Variants in PCDH15 observed in about 807,000 individuals in gnomAD.
PCDH15 encodes protocadherin-15.
PCDH15 carries 129 observed loss-of-function variants against 178.5 expected under a neutral mutation model. The ratio of observed to expected loss-of-function variants is 0.72; its 90% confidence interval spans 0.63 to 0.84. PCDH15 has a LOEUF of 0.84. PCDH15 is among the 40% of genes least tolerant of loss of function. PCDH15 has a pLI of 0.00. For missense variants in PCDH15, 2,230 were observed against 2,099.9 expected, an observed-to-expected ratio of 1.06 and a Z score of -1.21; for synonymous variants, 800 against 732.0, an observed-to-expected ratio of 1.09 and a Z score of -1.50.
At chr10:53,847,901 G>T (rs966900095) in intron 28 of PCDH15, among the ~76,000 whole-genome samples, 18 of 151,610 alleles carry the variant, frequency 1.2e-4, no homozygotes, top group African/African-American at 4.1e-4. Flanking sequence ...TTTGGAATAA[G>T]GTAGAAAATT....
chr10:53,826,794 A>G (rs954225064), intron 32 of PCDH15, among the ~76,000 whole-genome samples: 1 of 152,158 alleles, frequency 6.6e-6, no homozygotes, highest in Non-Finnish European at 1.5e-5. Flanking sequence ...TCTGAGAGTA[A>G]TAAAGTGAAA....
intron 3 of PCDH15, among the ~76,000 whole-genome samples, chr10:54,872,408 C>A (rs1364425049): frequency 1.3e-5 from 2 of 151,978 alleles, no homozygotes; most frequent in Non-Finnish European, 2.9e-5. Flanking sequence ...ATTTCATGTA[C>A]TTTAAGCCAA....
chr10:54,436,033 A>AGAG (rs1271738062), intron 3 of PCDH15, among the ~76,000 whole-genome samples: 10 of 21,798 alleles, frequency 4.6e-4, no homozygotes, highest in East Asian at 1.6e-3. Flanking sequence ...AGAGGAGAGG[A>AGAG]GAGAGAGAGA....
intron 23 of PCDH15, among the ~76,000 whole-genome samples, chr10:53,949,547 A>C (rs2134164394): frequency 6.6e-6 from 1 of 152,258 alleles, no homozygotes; most frequent in South Asian, 2.1e-4. Flanking sequence ...AGCCTGGGCA[A>C]TATAGCAAGA....
In PCDH15 at chr10:55,287,886, T is replaced by A. The variant is rs564750538; in HGVS notation, c.-156+31713A>T. On this transcript the variant is annotated intron_variant, in intron 1 of 5. Transcript: ENST00000458638. ...ATATTTCAGCCACACCAAATTATTA[T>A]TAATCTTTAAACAACCTTCAAGTCT... 6.6e-5 allele frequency among the ~76,000 whole-genome samples: 10 copies of A among 152,004 alleles called. No individual in the cohort carries two copies. In the East Asian group the frequency reaches 1.9e-3, roughly 29 times the overall value.
At chr10:54,738,467 A>G (rs991821986) in intron 1 of PCDH15, among the ~76,000 whole-genome samples, 7 of 151,736 alleles carry the variant, frequency 4.6e-5, no homozygotes, top group African/African-American at 1.7e-4. Context: ...ACATGAATTT[A>G]CTTTACAAAC....
At chr10:54,395,956 C>A (rs1951164007) in intron 3 of PCDH15, among the ~76,000 whole-genome samples, 1 of 152,072 alleles carries the variant, frequency 6.6e-6, no homozygotes, top group African/African-American at 2.4e-5. Flanking sequence ...TATGGGAGAT[C>A]AGAATATGCC....
intron 2 of PCDH15, among the ~76,000 whole-genome samples, chr10:54,924,902 T>C (rs1011955113): frequency 1.5e-4 from 23 of 152,300 alleles, no homozygotes; most frequent in African/African-American, 5.5e-4. Flanking sequence ...GTTACCTGTT[T>C]ACTATGTTGA....
At chr10:54,876,110 G>T (rs977458644) in intron 3 of PCDH15, among the ~76,000 whole-genome samples, 11 of 152,010 alleles carry the variant, frequency 7.2e-5, no homozygotes, top group Non-Finnish European at 1.5e-5. Context: ...GAAAATCCTA[G>T]GGCCCTTAAA....
At chr10:54,839,301 TAATA>T (rs1953375740) in intron 3 of PCDH15, among the ~76,000 whole-genome samples, 1 of 151,982 alleles carries the variant, frequency 6.6e-6, no homozygotes, top group South Asian at 2.1e-4. Flanking sequence ...AATAGAAGTT[TAATA>T]AAGAAATAGA....
At chr10:54,841,726 A>C (rs893073929) in intron 3 of PCDH15, among the ~76,000 whole-genome samples, 4 of 151,842 alleles carry the variant, frequency 2.6e-5, no homozygotes, top group Admixed American at 2.0e-4. Context: ...TTCACCAATT[A>C]CTTCAATTTG....
At chr10:54,895,548 C>A (rs1316451196) in intron 3 of PCDH15, among the ~76,000 whole-genome samples, 4 of 152,170 alleles carry the variant, frequency 2.6e-5, no homozygotes, top group Admixed American at 2.6e-4. Context: ...GCCCCCTTTG[C>A]ACTGTTGTCT....
At chr10:54,159,713 A>T (rs1240439215) in intron 13 of PCDH15, among the ~76,000 whole-genome samples, 2 of 152,192 alleles carry the variant, frequency 1.3e-5, no homozygotes, top group African/African-American at 2.4e-5. Context: ...TATTCATTAC[A>T]ATAGGCAAAG....
At chr10:55,350,689 T>A (rs1351498990) in intron 2 of PCDH15, among the ~76,000 whole-genome samples, 2 of 152,188 alleles carry the variant, frequency 1.3e-5, no homozygotes, top group African/African-American at 4.8e-5. Flanking sequence ...ATCAAAGGAT[T>A]TTCACTGATA....
intron 7 of PCDH15, among the ~76,000 whole-genome samples, chr10:54,327,695 GCT>G (rs1938458162): frequency 1.3e-5 from 2 of 151,828 alleles, no homozygotes; most frequent in South Asian, 4.1e-4. Context: ...CTTCAGAACA[GCT>G]AATTGAGGTT....
chr10:54,143,361 C>T (rs978471614), intron 14 of PCDH15, among the ~76,000 whole-genome samples: 1 of 152,128 alleles, frequency 6.6e-6, no homozygotes, highest in Admixed American at 6.6e-5. Flanking sequence ...TTAACTATGA[C>T]TCTCTTAAGA....
intron 14 of PCDH15, 144 bp downstream of exon 14, chr10:54,152,956 A>C: frequency 1.0e-6 from 1 of 965,250 alleles, no homozygotes; most frequent in Non-Finnish European, 1.6e-6. Context: ...ATATGCATGC[A>C]GTTCCTGAGA....
At chr10:53,879,599 AT>A (rs1443756332) in intron 26 of PCDH15, among the ~76,000 whole-genome samples, 1 of 152,202 alleles carries the variant, frequency 6.6e-6, no homozygotes, top group Non-Finnish European at 1.5e-5. Context: ...AAGTATAGGC[AT>A]TTTTGGTAAA....
intron 1 of PCDH15, among the ~76,000 whole-genome samples, chr10:55,237,168 T>C (rs950600083): frequency 1.3e-5 from 2 of 152,126 alleles, no homozygotes; most frequent in African/African-American, 2.4e-5. Context: ...AGGTAAACAA[T>C]TTTTTAGATA....
Sources: gnomAD v4.1 joint callset for allele counts (sites outside exome capture counted in the v4.1 genomes callset) on GRCh38, gnomAD v4.1.1 for gene constraint, MANE v1.5 for transcripts, NCBI Gene and HGNC (gene_info 2026-07-23, HGNC 2026-07-21) for gene names.